The following LRRC2 variants were observed in gnomAD, a reference collection of about 807,000 sequenced individuals.
LRRC2 encodes leucine-rich repeat-containing protein 2.
A neutral mutation model predicts 40.2 loss-of-function variants in LRRC2; 27 were observed. The ratio of observed to expected loss-of-function variants is 0.67; its 90% CI spans 0.49 to 0.93. The LOEUF (loss-of-function observed/expected upper bound fraction) is 0.93, where lower values mean the gene tolerates loss of function less well. LRRC2 is among the 40% of genes least tolerant of loss of function. LRRC2 has a pLI of 0.00. For missense variants in LRRC2, 402 were observed against 439.6 expected, an observed-to-expected ratio of 0.91 and a Z score of 0.76; for synonymous variants, 147 against 158.9, an observed-to-expected ratio of 0.92 and a Z score of 0.56.
At chr3:46,533,626 G>T (rs970089471) in intron 4 of LRRC2, among the ~76,000 whole-genome samples, 7 of 152,068 alleles carry the variant, frequency 4.6e-5, no homozygotes, top group African/African-American at 1.7e-4. Flanking sequence ...TTATAATAAA[G>T]TGTTGAATGT....
chr3:46,563,392 C>T (rs1448589818), intron 1 of LRRC2, among the ~76,000 whole-genome samples: 2 of 152,142 alleles, frequency 1.3e-5, no homozygotes, highest in South Asian at 2.1e-4. Context: ...GGTCTGCCCT[C>T]GGCCTGCCCA....
At chr3:46,530,209 C>T (rs1260889556) in intron 5 of LRRC2, among the ~76,000 whole-genome samples, 159 bp from the exon 6 acceptor site, 1 of 152,186 alleles carries the variant, frequency 6.6e-6, no homozygotes, top group Non-Finnish European at 1.5e-5. Flanking sequence ...TCAGATGTGT[C>T]ATTCACTGTG....
chr3:46,564,273 C>T (rs376517333), intron 1 of LRRC2, among the ~76,000 whole-genome samples: 5 of 132,580 alleles, frequency 3.8e-5, no homozygotes, highest in East Asian at 2.0e-4. Flanking sequence ...CCACACCCTC[C>T]TCCCCAACCC....
At chr3:46,519,088 CTCAA>C (rs768246979) in intron 8 of LRRC2, 25 bp from the exon 9 acceptor site, 2 of 1,536,554 alleles carry the variant, frequency 1.3e-6, no homozygotes, top group Non-Finnish European at 1.8e-6. Flanking sequence ...AAAAAGTATG[CTCAA>C]TCATTCACCA....
At chr3:46,523,204 G>A (rs1376334184) in intron 7 of LRRC2, among the ~76,000 whole-genome samples, 1 of 151,990 alleles carries the variant, frequency 6.6e-6, no homozygotes, top group Non-Finnish European at 1.5e-5. Context: ...TCAAAAATAA[G>A]AAATATACCT....
At position 46,549,954 on chromosome 3, in the gene LRRC2, G is replaced by A. The variant is rs140504202; in HGVS notation, c.125+1513C>T. Among the ~76,000 whole-genome samples, 399 of 150,530 alleles carry A rather than the reference G, an allele frequency of 2.7e-3. 1 individual carries two copies. The highest frequency in any genetic ancestry group is 9.4e-3 in the African/African-American group (385 of 40,908). On this transcript the variant is annotated intron_variant, in intron 2 of 8. Coordinates refer to ENST00000395905, the MANE Select transcript of LRRC2 (RefSeq NM_024512.5). ...ATGTGAGTGTAGGTCTCTTGGATGC[G>A]TTGCCATGTGGGCTTTCTGGTTTAA...
intron 7 of LRRC2, 28 bp from the exon 8 acceptor site, chr3:46,521,686 C>T: frequency 1.3e-6 from 2 of 1,584,996 alleles, no homozygotes; most frequent in Non-Finnish European, 1.7e-6. Context: ...GGAAGTATCA[C>T]ATTATCACCT....
intron 3 of LRRC2, 138 bp from the exon 4 acceptor site, chr3:46,539,339 C>T (rs1704336755): frequency 1.3e-6 from 1 of 783,484 alleles, no homozygotes; most frequent in Non-Finnish European, 2.0e-6. Context: ...GCACTCCAGC[C>T]ATTTCAAAAA....
intron 4 of LRRC2, among the ~76,000 whole-genome samples, chr3:46,533,893 C>G (rs1704215179): frequency 6.9e-6 from 1 of 145,944 alleles, no homozygotes; most frequent in Admixed American, 6.9e-5. Flanking sequence ...TTCCTTCCTT[C>G]CTTTCTTTTC....
At chr3:46,558,444 T>C (rs1026094365) in intron 1 of LRRC2, 1 of 152,226 alleles carries the variant, frequency 6.6e-6, no homozygotes, top group African/African-American at 2.4e-5. Context: ...TTTTCAGTCT[T>C]CGTGGTGCTA....
In LRRC2 at chr3:46,539,186, A is replaced by G. The variant is rs34850909; in HGVS notation, c.349T>C (p.Leu117=). Reference sequence around the variant, plus strand: ...TCTCTCAGGTGTGTCTGCTCCTTCAATGAATCTGGGAGCTCCTAAAATAGA... The same window carrying G: ...TCTCTCAGGTGTGTCTGCTCCTTCAGTGAATCTGGGAGCTCCTAAAATAGA... ...GEHWTELPDS[L]KEQTHLREWY... Residue 117 remains leucine (L), a synonymous_variant, in exon 4 of 9, where the codon TTG becomes CTG. Coordinates refer to ENST00000395905, the MANE Select transcript of LRRC2 (RefSeq NM_024512.5). The G allele has an allele frequency of 1.6e-4, 258 of 1,613,776 alleles. 2 individuals are homozygous for G. In the African/African-American group the frequency reaches 2.8e-3, roughly 17 times the overall value.
At chr3:46,533,756 C>CTT (rs2107000172) in intron 4 of LRRC2, among the ~76,000 whole-genome samples, 1 of 63,938 alleles carries the variant, frequency 1.6e-5, no homozygotes, top group Non-Finnish European at 3.2e-5. Context: ...CTTCTTCCTT[C>CTT]CCTCCCTCCC....
intron 3 of LRRC2, 128 bp downstream of exon 3, chr3:46,544,918 G>A (rs757027883): frequency 4.6e-5 from 42 of 912,820 alleles, no homozygotes; most frequent in East Asian, 2.6e-4. Context: ...ACTGCGCTGC[G>A]TTTCACTGAG....
intron 2 of LRRC2, among the ~76,000 whole-genome samples, chr3:46,545,553 GCAGGGCCA>G (rs1468710734): frequency 1.3e-5 from 2 of 152,200 alleles, no homozygotes; most frequent in Non-Finnish European, 2.9e-5. Flanking sequence ...TTAAAAAAGT[GCAGGGCCA>G]CAGGGATTCA....
intron 4 of LRRC2, among the ~76,000 whole-genome samples, chr3:46,534,977 T>C (rs1704245058): frequency 6.6e-6 from 1 of 152,238 alleles, no homozygotes; most frequent in Non-Finnish European, 1.5e-5. Context: ...TAAGGAGCTA[T>C]ATCTGCTCCT....
At chr3:46,531,505 C>G (rs376335023) in intron 5 of LRRC2, among the ~76,000 whole-genome samples, 1 of 152,026 alleles carries the variant, frequency 6.6e-6, no homozygotes, top group East Asian at 1.9e-4. Flanking sequence ...GTGATGAGAA[C>G]GGTTAGACAG....
intron 1 of LRRC2, among the ~76,000 whole-genome samples, chr3:46,564,528 A>C (rs1705017014): frequency 6.6e-6 from 1 of 152,056 alleles, no homozygotes; most frequent in African/African-American, 2.4e-5. Context: ...AGAGCATCCT[A>C]AGAAGGATCT....
Position 46,518,601 on chromosome 3 carries a change from A to G in LRRC2, c.*413T>C, listed in dbSNP as rs1468959522. 1 of 154,026 alleles carries G rather than the reference A, an allele frequency of 6.5e-6. No individual in the cohort carries two copies. Among genetic ancestry groups the G allele is most frequent in the Non-Finnish European group, 1.4e-5 (1 of 69,384 alleles). The allele number at this position is 154,026 out of a possible 1,614,324, so 9.5% of individuals were successfully genotyped here. A position where few individuals can be genotyped will look rare whatever the true frequency, so the allele number is the denominator to read the frequency against. ...AGCCTCGAACTCCGGACCTCAGGTG[A>G]TCCACCCACTTCGGCCTCCCAAAGT... On this transcript the variant is annotated 3_prime_UTR_variant, in exon 9 of 9. Coordinates refer to ENST00000395905, the MANE Select transcript of LRRC2 (RefSeq NM_024512.5).
At chr3:46,547,364 T>C (rs1417983683) in intron 2 of LRRC2, among the ~76,000 whole-genome samples, 1 of 152,024 alleles carries the variant, frequency 6.6e-6, no homozygotes, top group African/African-American at 2.4e-5. Flanking sequence ...AGTCTATAAG[T>C]AATATAACAA....
Sources: gnomAD v4.1 joint callset for allele counts (sites outside exome capture counted in the v4.1 genomes callset) on GRCh38, gnomAD v4.1.1 for gene constraint, MANE v1.5 for transcripts, NCBI Gene and HGNC (gene_info 2026-07-23, HGNC 2026-07-21) for gene names.